The following SGCD variants were observed in gnomAD, a reference collection of about 807,000 sequenced individuals.
SGCD encodes delta-sarcoglycan.
A neutral mutation model predicts 36.6 loss-of-function variants in SGCD; 18 were observed. That is an observed-to-expected ratio of 0.49 (90% confidence interval 0.34 to 0.73). The LOEUF is 0.73. Ranked by LOEUF, SGCD falls within the 30% of genes least tolerant of loss-of-function variation. The probability of loss-of-function intolerance (pLI) is 0.01; values close to 1 mark genes in which losing one functional copy is unlikely to be tolerated. For synonymous variants in SGCD, 133 were observed against 130.6 expected (o/e 1.02, Z -0.12); for missense variants, 387 against 346.7 (o/e 1.12, Z -0.92).
chr5:156,591,137 G>A (rs1235768286), intron 5 of SGCD, among the ~76,000 whole-genome samples: 2 of 152,010 alleles, frequency 1.3e-5, no homozygotes, highest in African/African-American at 2.4e-5. Flanking sequence ...GCACACAGTG[G>A]AAAAGCACCC....
chr5:155,975,609 C>CTTTT (rs763067309), intron 1 of SGCD, among the ~76,000 whole-genome samples: 2 of 28,026 alleles, frequency 7.1e-5, no homozygotes, highest in East Asian at 1.3e-3. Context: ...TCTTTCTTTC[C>CTTTT]TTTTTTTTTT....
intron 1 of SGCD, among the ~76,000 whole-genome samples, chr5:155,969,729 G>A (rs1324664818): frequency 6.6e-6 from 1 of 152,050 alleles, no homozygotes; most frequent in Admixed American, 6.6e-5. Flanking sequence ...GTTGTCCTGA[G>A]CATGACGTGG....
At chr5:155,873,799 C>T (rs1580963887) in intron 1 of SGCD, among the ~76,000 whole-genome samples, 1 of 152,026 alleles carries the variant, frequency 6.6e-6, no homozygotes, top group Admixed American at 6.6e-5. Flanking sequence ...TTATGACTCA[C>T]CAGGGGGAAA....
At chr5:155,892,045 A>C (rs769055661) in intron 1 of SGCD, among the ~76,000 whole-genome samples, 3 of 152,152 alleles carry the variant, frequency 2.0e-5, no homozygotes, top group Admixed American at 6.5e-5. Context: ...AAATGTGGTC[A>C]TTGCTGATTT....
chr5:156,021,199 C>A (rs1478524383), intron 1 of SGCD, among the ~76,000 whole-genome samples: 1 of 152,094 alleles, frequency 6.6e-6, no homozygotes, highest in Non-Finnish European at 1.5e-5. Context: ...GAGAAAAAAA[C>A]AGGGAGAAAA....
intron 3 of SGCD, among the ~76,000 whole-genome samples, chr5:156,456,491 T>C (rs755390053): frequency 1.3e-5 from 2 of 152,232 alleles, no homozygotes; most frequent in Non-Finnish European, 2.9e-5. Flanking sequence ...GTTCTGCTGT[T>C]GGGAGGAAAG....
intron 3 of SGCD, among the ~76,000 whole-genome samples, chr5:156,492,074 A>G (rs1338187167): frequency 1.3e-5 from 2 of 152,170 alleles, no homozygotes; most frequent in African/African-American, 2.4e-5. Flanking sequence ...TAAAAAAGAG[A>G]GAGAATGATT....
At chr5:156,650,142 G>A (rs946239246) in intron 7 of SGCD, among the ~76,000 whole-genome samples, 5 of 152,072 alleles carry the variant, frequency 3.3e-5, no homozygotes, top group Admixed American at 6.5e-5. Context: ...AGACATAATC[G>A]TAGTGTTTGT....
intron 3 of SGCD, among the ~76,000 whole-genome samples, chr5:156,475,691 C>T (rs1453425618): frequency 1.3e-5 from 2 of 152,120 alleles, no homozygotes; most frequent in African/African-American, 4.8e-5. Context: ...CCAGACAAAC[C>T]AACAGCTGCA....
chr5:155,904,344 T>TA (rs1326728190), intron 1 of SGCD, among the ~76,000 whole-genome samples: 4 of 152,204 alleles, frequency 2.6e-5, no homozygotes, highest in African/African-American at 9.6e-5. Context: ...ACCTCATTTG[T>TA]AAAAATTGTG....
intron 2 of SGCD, among the ~76,000 whole-genome samples, chr5:156,339,431 A>T (rs1206300063): frequency 6.6e-6 from 1 of 152,222 alleles, no homozygotes; most frequent in Non-Finnish European, 1.5e-5. Flanking sequence ...ACTTCTTCTG[A>T]TATAGCTAGT....
At chr5:156,688,829 A>G (rs1007907131) in intron 7 of SGCD, among the ~76,000 whole-genome samples, 1 of 152,252 alleles carries the variant, frequency 6.6e-6, no homozygotes, top group African/African-American at 2.4e-5. Context: ...AAAACCTACC[A>G]GGGCTATCAT....
rs143654361 is a variant in SGCD, at chr5:156,418,936, T to C, written c.192+74259T>C. 2.7e-4 allele frequency among the ~76,000 whole-genome samples: 41 copies of C among 152,318 alleles called. 1 individual carries two copies. In the East Asian group the frequency reaches 7.3e-3, roughly 27 times the overall value. On this transcript the variant is annotated intron_variant, in intron 3 of 8. Coordinates refer to ENST00000337851, the MANE Select transcript of SGCD (RefSeq NM_000337.6). ...AATCCAGCGTTGAATTTTATTCTTT[T>C]ATATTTGTTGATTTTAGCATTCTGC...
chr5:155,839,421 A>G, the SGCD span, among the ~76,000 whole-genome samples: 2 of 152,078 alleles, frequency 1.3e-5, no homozygotes, highest in Non-Finnish European at 2.9e-5. Flanking sequence ...ACCTTTTCTG[A>G]GGGGTCTGGC....
intron 6 of SGCD, among the ~76,000 whole-genome samples, chr5:156,617,788 C>T (rs1410878902): frequency 6.6e-6 from 1 of 152,204 alleles, no homozygotes; most frequent in East Asian, 1.9e-4. Flanking sequence ...GGGTGGTTTA[C>T]AGGGCCATGA....
At chr5:155,998,565 A>T (rs1361689565) in intron 1 of SGCD, among the ~76,000 whole-genome samples, 1 of 152,028 alleles carries the variant, frequency 6.6e-6, no homozygotes, top group Non-Finnish European at 1.5e-5. Flanking sequence ...TGGTCCATTT[A>T]TGTCATTATC....
intron 4 of SGCD, among the ~76,000 whole-genome samples, chr5:156,549,759 A>C (rs1344274048): frequency 1.3e-5 from 2 of 152,248 alleles, no homozygotes; most frequent in Non-Finnish European, 2.9e-5. Flanking sequence ...TCACAGAGTC[A>C]ATAAGCAGTC....
chr5:156,460,312 T>G (rs947773680), intron 3 of SGCD, among the ~76,000 whole-genome samples: 2 of 152,166 alleles, frequency 1.3e-5, no homozygotes, highest in African/African-American at 4.8e-5. Flanking sequence ...ATAAATAAAA[T>G]ATAGCCCTGC....
intron 4 of SGCD, among the ~76,000 whole-genome samples, chr5:156,586,063 GTT>G (rs33956506): frequency 1.9e-3 from 273 of 144,098 alleles, no homozygotes; most frequent in African/African-American, 6.5e-3. Flanking sequence ...TTACTTTGGT[GTT>G]TTTTTTTTTT....
Sources: gnomAD v4.1 joint callset for allele counts (sites outside exome capture counted in the v4.1 genomes callset) on GRCh38, gnomAD v4.1.1 for gene constraint, MANE v1.5 for transcripts, NCBI Gene and HGNC (gene_info 2026-07-23, HGNC 2026-07-21) for gene names.